The following MBTPS1 variants were observed in gnomAD, a reference collection of about 807,000 sequenced individuals.
MBTPS1 encodes the protein membrane-bound transcription factor site-1 protease.
In MBTPS1, 94 loss-of-function variants were observed where a neutral mutation model predicts 127.8. That is an observed-to-expected ratio of 0.74 (90% CI 0.62 to 0.87). The LOEUF is 0.87. MBTPS1 is among the 40% of genes least tolerant of loss of function. MBTPS1 has a pLI of 0.00. For synonymous variants in MBTPS1, 632 were observed against 509.4 expected (o/e 1.24, Z -3.24); for missense variants, 1,636 against 1,353.2 (o/e 1.21, Z -3.28).
rs1387342746 is a variant in MBTPS1 at position 84,093,769 on chromosome 16, G to A, written c.678C>T (p.Pro226=). 6.2e-7 allele frequency: 1 copy of A among 1,614,124 alleles called. No individual in the cohort carries two copies. Among genetic ancestry groups the A allele is most frequent in the Non-Finnish European group, 8.5e-7 (1 of 1,179,998 alleles). ...TTCTCTCCTTCACATTTTTGAAGTG[G>A]GGATGCTTCTCGCTCAGCCCAGTGT... is the stretch of plus-strand genomic sequence containing the variant. The part of the protein sequence containing the change: ...VFDTGLSEKH[P]HFKNVKERTN... Residue 226 remains proline, a synonymous_variant, in exon 5 of 23, where the codon CCC becomes CCT. Coordinates refer to ENST00000343411, the MANE Select transcript of MBTPS1 (RefSeq NM_003791.4).
chr16:84,072,323 G>A (rs1260040392), intron 12 of MBTPS1, among the ~76,000 whole-genome samples: 8 of 152,028 alleles, frequency 5.3e-5, no homozygotes, highest in Admixed American at 5.2e-4. Context: ...AAGGAAGAAG[G>A]AGTGGCTGAT....
chr16:84,087,071 A>C (rs1296536287), intron 9 of MBTPS1, among the ~76,000 whole-genome samples: 1 of 152,246 alleles, frequency 6.6e-6, no homozygotes, highest in African/African-American at 2.4e-5. Context: ...CCTAAAGGTG[A>C]GTTCCTCAGA....
rs181398778 is a variant in MBTPS1, at chr16:84,065,095, A to G, written c.2431+595T>C. Reference sequence around the variant, plus strand: ...GAACAATTTATAAAGGGTAACAAAAAAATTCATCAAGTAACCTTGAAGGTA... The same window carrying G: ...GAACAATTTATAAAGGGTAACAAAAGAATTCATCAAGTAACCTTGAAGGTA... On this transcript the variant is annotated intron_variant, in intron 18 of 22. Coordinates refer to ENST00000343411, the MANE Select transcript of MBTPS1 (RefSeq NM_003791.4). 1.8e-3 allele frequency among the ~76,000 whole-genome samples: 267 copies of G among 152,210 alleles called. 1 individual carries two copies. The highest frequency in any genetic ancestry group is 8.4e-3 in the Admixed American group (128 of 15,278).
intron 3 of MBTPS1, among the ~76,000 whole-genome samples, chr16:84,097,238 C>T (rs1014793378): frequency 1.3e-5 from 2 of 152,304 alleles, no homozygotes; most frequent in South Asian, 4.1e-4. Context: ...TAAAGCAAAA[C>T]CTTCTACGAG....
chr16:84,091,878 T>A, intron 6 of MBTPS1, 30 bp from the exon 7 acceptor site: 1 of 1,273,766 alleles, frequency 7.9e-7, no homozygotes, highest in Non-Finnish European at 1.2e-6. Context: ...GTCTGCTTAG[T>A]GTTTCAATCA....
Position 84,068,471 on chromosome 16 carries a change from C to A in MBTPS1, c.1956-17G>T. 1 of 1,514,042 alleles carries A rather than the reference C, an allele frequency of 6.6e-7. No homozygotes were observed. The highest frequency in any genetic ancestry group is 9.2e-7 in the Non-Finnish European group (1 of 1,088,840). 93.8% of individuals were successfully genotyped at this position (1,514,042 alleles called of 1,614,324 possible). On this transcript the variant is annotated splice_polypyrimidine_tract_variant and intron_variant, in intron 14 of 22. Coordinates refer to ENST00000343411, the MANE Select transcript of MBTPS1 (RefSeq NM_003791.4). ...TCACCATTCCTGAAAAACAATAGGC[C>A]ACAGCATTAAAATGATCGATCTTTA...
chr16:84,116,537 C>T (rs1372635058), intron 1 of MBTPS1, among the ~76,000 whole-genome samples, 198 bp downstream of exon 1: 1 of 152,232 alleles, frequency 6.6e-6, no homozygotes, highest in African/African-American at 2.4e-5. Context: ...CCGGAGCGCG[C>T]AGACCCCCGC....
chr16:84,099,117 A>C lies in MBTPS1; in HGVS notation c.357T>G (p.Asp119Glu), dbSNP rs139932355. ...GCGTGACCCGTTTGATGTTTGGATGATCTTCAAGTGTTAGCAGCCCCGCTT... is the reference window on the plus strand; with the variant it reads ...GCGTGACCCGTTTGATGTTTGGATGCTCTTCAAGTGTTAGCAGCCCCGCTT... Reference protein sequence around the residue: ...KQKAGLLTLEDHPNIKRVTPQ... With the variant: ...KQKAGLLTLEEHPNIKRVTPQ... The change falls in exon 3 of 23, where the codon GAT (aspartate) becomes GAG (glutamate). Residue 119 changes from aspartate (D) to glutamate (E), a missense_variant. Coordinates refer to ENST00000343411, the MANE Select transcript of MBTPS1 (RefSeq NM_003791.4). 2 of 1,614,162 alleles carry C rather than the reference A, an allele frequency of 1.2e-6. No homozygotes were observed. The highest frequency in any genetic ancestry group is 1.7e-6 in the Non-Finnish European group (2 of 1,180,004).
chr16:84,075,708 G>A (rs1264370738), intron 11 of MBTPS1: 2 of 152,216 alleles, frequency 1.3e-5, no homozygotes, highest in African/African-American at 4.8e-5. Flanking sequence ...AGATGTATCT[G>A]GGCCAACTGA....
chr16:84,070,085 G>T, intron 13 of MBTPS1, 47 bp from the exon 14 acceptor site: 1 of 1,482,344 alleles, frequency 6.7e-7, no homozygotes, highest in South Asian at 1.3e-5. Context: ...TGTGCAGAAA[G>T]AAACTTTCAG....
Position 84,085,064 on chromosome 16 carries a change from C to A in MBTPS1, c.1205G>T (p.Gly402Val). 2 of 1,614,184 alleles carry A rather than the reference C, an allele frequency of 1.2e-6. No homozygotes were observed. Among genetic ancestry groups the A allele is most frequent in the Non-Finnish European group, 1.7e-6 (2 of 1,180,022 alleles). Residue 402 changes from glycine to valine, a missense_variant, in exon 10 of 23, where the codon GGC (glycine) becomes GTC (valine). Gly to Val is a moderately radical substitution (Grantham distance 109, BLOSUM62 -3). Transcript: ENST00000343411. ...GAGGGCCCGGCACCCCCCTTTCACG[C>A]CAGAACCCCGCACGCCAGCACCATA... is the stretch of plus-strand genomic sequence containing the variant. ...VTYGAGVRGS[G>V]VKGGCRALSG...
intron 2 of MBTPS1, among the ~76,000 whole-genome samples, chr16:84,100,448 G>C (rs2086238563): frequency 1.3e-5 from 2 of 152,250 alleles, no homozygotes; most frequent in African/African-American, 2.4e-5. Context: ...GGAGGCTGAG[G>C]CAGGAGAATC....
chr16:84,093,473 TCTAGCCACTCCAC>T (rs772064623), intron 5 of MBTPS1, among the ~76,000 whole-genome samples, 176 bp from the exon 6 acceptor site: 24 of 152,190 alleles, frequency 1.6e-4, no homozygotes, highest in Non-Finnish European at 1.3e-4. Context: ...CCCTTCCAGG[TCTAGCCACTCCAC>T]GCTCTCCGGG....
At chr16:84,084,077 A>G (rs955123223) in intron 10 of MBTPS1, among the ~76,000 whole-genome samples, 3 of 152,262 alleles carry the variant, frequency 2.0e-5, no homozygotes, top group South Asian at 4.1e-4. Context: ...TTCCTGCCTC[A>G]ATCTCCTGAG....
rs763724334 is a variant in MBTPS1 at position 84,068,328 on chromosome 16, G to C, written c.2071+11C>G. The C allele has an allele frequency of 2.8e-5, 43 of 1,542,958 alleles. No individual in the cohort carries two copies. Among genetic ancestry groups the C allele is most frequent in the Non-Finnish European group, 3.9e-5 (43 of 1,115,334 alleles). The stretch of plus-strand genomic sequence containing the variant: ...GAAAGACCATCTGGCTAGCACAGCA[G>C]TGCCACTTACCATACTGACTGGCAT... On this transcript the variant is annotated intron_variant, in intron 15 of 22. Transcript: ENST00000343411.
intron 1 of MBTPS1, among the ~76,000 whole-genome samples, chr16:84,106,416 A>T (rs915140653): frequency 6.6e-6 from 1 of 152,320 alleles, no homozygotes; most frequent in Admixed American, 6.5e-5. Flanking sequence ...GGGTCTTTTC[A>T]GTGAAGGCCT....
intron 22 of MBTPS1, among the ~76,000 whole-genome samples, chr16:84,055,012 C>G (rs573149674): frequency 1.3e-5 from 2 of 152,142 alleles, no homozygotes; most frequent in African/African-American, 2.4e-5. Flanking sequence ...CGTCTCTATC[C>G]AGGGGAGAAG....
In MBTPS1 at chr16:84,056,069, T is replaced by G; in HGVS notation, c.2898A>C (p.Arg966=). ...DLDKVVLPNF[R]SNRPQVRPLS... is the part of the protein sequence containing the mutation. Reference sequence around the variant, plus strand: ...AGGGCCTCACTTGAGGGCGATTCGATCGAAAGTTGGGTAACACCACCTTGT... The same window carrying G: ...AGGGCCTCACTTGAGGGCGATTCGAGCGAAAGTTGGGTAACACCACCTTGT... The change falls in exon 22 of 23, where the codon CGA becomes CGC. Residue 966 remains arginine (R), a synonymous_variant. Transcript: ENST00000343411. 3 of 1,614,160 alleles carry G rather than the reference T, an allele frequency of 1.9e-6. No individual in the cohort carries two copies. The highest frequency in any genetic ancestry group is 1.7e-6 in the Non-Finnish European group (2 of 1,180,012).
At chr16:84,084,696 G>C (rs2085993496) in intron 10 of MBTPS1, among the ~76,000 whole-genome samples, 1 of 152,128 alleles carries the variant, frequency 6.6e-6, no homozygotes, top group African/African-American at 2.4e-5. Flanking sequence ...CACATAAATG[G>C]GATATTAGAA....
Sources: gnomAD v4.1 joint callset for allele counts (sites outside exome capture counted in the v4.1 genomes callset) on GRCh38, gnomAD v4.1.1 for gene constraint, MANE v1.5 for transcripts, NCBI Gene and HGNC (gene_info 2026-07-23, HGNC 2026-07-21) for gene names.